The following MARCHF1 variants were observed in gnomAD, a reference collection of about 807,000 sequenced individuals.
The protein encoded by MARCHF1 is E3 ubiquitin-protein ligase MARCHF1.
Under a neutral mutation model 54.2 loss-of-function variants are expected in MARCHF1, and 40 were observed. The observed-to-expected ratio is 0.74, with a 90% CI of 0.57 to 0.96. The LOEUF is 0.96. MARCHF1 is among the 40% of genes least tolerant of loss of function. The probability of loss-of-function intolerance (pLI) is 0.00; values close to 1 mark genes in which losing one functional copy is unlikely to be tolerated. For missense variants in MARCHF1, 586 were observed against 656.5 expected, an observed-to-expected ratio of 0.89 and a Z score of 1.17; for synonymous variants, 236 against 236.3, an observed-to-expected ratio of 1.00 and a Z score of 0.01.
intron 2 of MARCHF1, among the ~76,000 whole-genome samples, chr4:164,017,058 T>C (rs1394334327): frequency 6.6e-6 from 1 of 152,070 alleles, no homozygotes; most frequent in African/African-American, 2.4e-5. Flanking sequence ...TAATACATCA[T>C]GATAAATGGG....
At chr4:164,334,850 T>G (rs1391984029) in intron 1 of MARCHF1, among the ~76,000 whole-genome samples, 2 of 152,212 alleles carry the variant, frequency 1.3e-5, no homozygotes, top group Non-Finnish European at 2.9e-5. Flanking sequence ...AATATCAACA[T>G]TAACAGGAGT....
chr4:163,575,948 T>C (rs1212245269), intron 8 of MARCHF1, among the ~76,000 whole-genome samples: 1 of 152,086 alleles, frequency 6.6e-6, no homozygotes, highest in East Asian at 1.9e-4. Flanking sequence ...CTTGTTAATC[T>C]AGTTAGTGGC....
intron 1 of MARCHF1, among the ~76,000 whole-genome samples, chr4:164,160,772 A>G (rs1430969): frequency 0.023 from 3,477 of 152,274 alleles, 120 homozygotes; most frequent in African/African-American, 0.078. Flanking sequence ...AGCTTAAGAT[A>G]TAACTTCTCC....
intron 3 of MARCHF1, among the ~76,000 whole-genome samples, chr4:163,904,007 C>T (rs563270333): frequency 6.6e-6 from 1 of 152,256 alleles, no homozygotes; most frequent in East Asian, 1.9e-4. Flanking sequence ...CAAGTTGGTT[C>T]TATTTAAAAT....
intron 2 of MARCHF1, among the ~76,000 whole-genome samples, chr4:164,044,375 C>A (rs1560876921): frequency 6.6e-6 from 1 of 152,016 alleles, no homozygotes; most frequent in East Asian, 1.9e-4. Context: ...CATGTCCTCA[C>A]GTGGTGGCAG....
At chr4:164,334,286 C>A (rs1052259745) in intron 1 of MARCHF1, among the ~76,000 whole-genome samples, 1 of 152,110 alleles carries the variant, frequency 6.6e-6, no homozygotes, top group Non-Finnish European at 1.5e-5. Flanking sequence ...GAAGTCAATG[C>A]CTGGCTTCAA....
At chr4:164,025,887 G>C (rs79065166) in intron 2 of MARCHF1, among the ~76,000 whole-genome samples, 2,117 of 152,004 alleles carry the variant, frequency 0.014, 43 homozygotes, top group African/African-American at 0.045. Context: ...GGCAAGGATG[G>C]TATTACTCCC....
At chr4:163,872,105 A>G (rs1750181225) in intron 3 of MARCHF1, among the ~76,000 whole-genome samples, 1 of 152,250 alleles carries the variant, frequency 6.6e-6, no homozygotes, top group Non-Finnish European at 1.5e-5. Context: ...TAGTGGAACT[A>G]AATTCTAAGT....
At chr4:164,053,375 G>T (rs939476049) in intron 2 of MARCHF1, among the ~76,000 whole-genome samples, 5 of 149,056 alleles carry the variant, frequency 3.4e-5, no homozygotes, top group African/African-American at 7.3e-5. Flanking sequence ...AGAAAATTAG[G>T]AGTCTAATAT....
At chr4:164,154,768 G>A (rs1730032864) in intron 1 of MARCHF1, among the ~76,000 whole-genome samples, 1 of 152,194 alleles carries the variant, frequency 6.6e-6, no homozygotes, top group African/African-American at 2.4e-5. Context: ...CAGCTCAGTG[G>A]ACCCTCTGCC....
intron 4 of MARCHF1, among the ~76,000 whole-genome samples, chr4:163,772,384 T>C (rs951174624): frequency 6.6e-6 from 1 of 152,202 alleles, no homozygotes; most frequent in Non-Finnish European, 1.5e-5. Flanking sequence ...CACCTATTTA[T>C]TAAGTCACTG....
At chr4:163,621,711 A>G (rs1741701575) in intron 5 of MARCHF1, among the ~76,000 whole-genome samples, 1 of 152,218 alleles carries the variant, frequency 6.6e-6, no homozygotes, top group African/African-American at 2.4e-5. Flanking sequence ...GTCTCTGCTT[A>G]CTACTACTTG....
At chr4:163,705,707 A>T (rs1008230768) in intron 4 of MARCHF1, among the ~76,000 whole-genome samples, 2 of 151,960 alleles carry the variant, frequency 1.3e-5, no homozygotes, top group Admixed American at 6.6e-5. Context: ...ATTCTAAAAA[A>T]CACTACAAAA....
chr4:164,206,543 T>C (rs901035425), intron 1 of MARCHF1, among the ~76,000 whole-genome samples: 74 of 152,190 alleles, frequency 4.9e-4, no homozygotes, highest in African/African-American at 1.8e-3. Flanking sequence ...AAAAAACTTG[T>C]TCATTAAAAC....
chr4:163,716,155 C>G (rs1223684131), intron 4 of MARCHF1, among the ~76,000 whole-genome samples: 1 of 152,058 alleles, frequency 6.6e-6, no homozygotes, highest in Non-Finnish European at 1.5e-5. Flanking sequence ...TATGATGGTT[C>G]TTTACTTGGC....
chr4:164,080,651 T>C (rs1002218784), intron 2 of MARCHF1, among the ~76,000 whole-genome samples: 6 of 149,606 alleles, frequency 4.0e-5, no homozygotes, highest in Non-Finnish European at 7.4e-5. Flanking sequence ...TATTCTATTG[T>C]GTGTGTGTGT....
chr4:164,077,892 A>C (rs1755012894), intron 2 of MARCHF1, among the ~76,000 whole-genome samples: 1 of 152,228 alleles, frequency 6.6e-6, no homozygotes, highest in Admixed American at 6.5e-5. Flanking sequence ...CAGATGTTGG[A>C]GAGGATGTGG....
chr4:164,350,822 G>C (rs1257621243), intron 1 of MARCHF1, among the ~76,000 whole-genome samples: 1 of 151,980 alleles, frequency 6.6e-6, no homozygotes, highest in African/African-American at 2.4e-5. Flanking sequence ...CGCAGAAGAT[G>C]GGTGATTTCT....
Position 163,528,756 on chromosome 4 carries a change from A to T in MARCHF1, c.1630T>A (p.Ser544Thr), listed in dbSNP as rs1404938546. 1 of 1,609,476 alleles carries T rather than the reference A, an allele frequency of 6.2e-7. No individual in the cohort carries two copies. Among genetic ancestry groups the T allele is most frequent in the Non-Finnish European group, 8.5e-7 (1 of 1,177,172 alleles). Residue 544 changes from serine to threonine, a missense_variant, in exon 10 of 10, where the codon TCA becomes ACA. Ser to Thr is a moderately conservative substitution (Grantham distance 58, BLOSUM62 1). This residue lies in a region of MARCHF1 where 106 missense variants were observed against 93.8 expected (regional missense o/e 1.13). Coordinates refer to ENST00000514618, the MANE Select transcript of MARCHF1 (RefSeq NM_001394959.1). ...SAEGGPPEVV[S>T]V ...ACTCCCAACAGGTTCCATCAGACTG[A>T]TACAACTTCAGGGGGGCCACCCTCT...
Sources: gnomAD v4.1 joint callset for allele counts (sites outside exome capture counted in the v4.1 genomes callset) on GRCh38, gnomAD v4.1.1 for gene constraint, gnomAD v4.1.1 regional missense constraint, MANE v1.5 for transcripts, NCBI Gene and HGNC (gene_info 2026-07-23, HGNC 2026-07-21) for gene names.